Variants in RYR3 observed in about 807,000 individuals in gnomAD.
RYR3 encodes brain ryanodine receptor-calcium release channel.
RYR3 carries 207 observed loss-of-function variants against 584.3 expected under a neutral mutation model. The ratio of observed to expected loss-of-function variants is 0.35; its 90% confidence interval spans 0.32 to 0.40. RYR3 has a LOEUF of 0.40. Ranked by LOEUF, RYR3 falls within the 10% of genes least tolerant of loss-of-function variation. The probability of loss-of-function intolerance (pLI) is 1.00; values close to 1 mark genes in which losing one functional copy is unlikely to be tolerated. For missense variants in RYR3, 5,616 were observed against 6,089.2 expected (o/e 0.92, Z 2.59); for synonymous variants, 2,416 against 2,248.5 (o/e 1.07, Z -2.11).
In RYR3 at chr15:33,737,162, C is replaced by T. The variant is rs1049214290; in HGVS notation, c.7515+837C>T. 4.6e-5 allele frequency among the ~76,000 whole-genome samples: 7 copies of T among 152,140 alleles called. No individual in the cohort carries two copies. The East Asian group carries it at 1.2e-3, about 25-fold the overall frequency. ...ACACTTGAGTGCAGTGGCACAGCCA[C>T]GGCTTACTGCAACCTTGAGCTCCCG... On this transcript the variant is annotated intron_variant, in intron 49 of 103. Transcript: ENST00000634891.
chr15:33,467,345 G>A (rs1465884271), intron 1 of RYR3: 3 of 208,666 alleles, frequency 1.4e-5, no homozygotes, highest in African/African-American at 7.1e-5. Context: ...ACCTTAAATA[G>A]GGCTGTCAGC....
Position 33,696,273 on chromosome 15 carries a change from G to A in RYR3, c.5916G>A (p.Gln1972=). 1 of 1,613,804 alleles carries A rather than the reference G, an allele frequency of 6.2e-7. No homozygotes were observed. Among genetic ancestry groups the A allele is most frequent in the East Asian group, 2.2e-5 (1 of 44,856 alleles). Residue 1972 remains glutamine (Q), a synonymous_variant, in exon 39 of 104, where the codon CAG becomes CAA. Transcript: ENST00000634891. ...QTMICWAQED[Q]IQDSELVRMM... is the part of the protein sequence containing the mutation. ...TGATCTGCTGGGCCCAGGAGGACCA[G>A]ATCCAGGATTCAGAGCTGGTCCGAA...
intron 1 of RYR3, among the ~76,000 whole-genome samples, chr15:33,355,964 A>C (rs560627451): frequency 6.6e-6 from 1 of 152,200 alleles, no homozygotes; most frequent in Non-Finnish European, 1.5e-5. Context: ...CCTGTAGTAG[A>C]TACTGTGAGA....
intron 1 of RYR3, among the ~76,000 whole-genome samples, chr15:33,352,699 A>C (rs1262449697): frequency 6.6e-6 from 1 of 152,188 alleles, no homozygotes; most frequent in Non-Finnish European, 1.5e-5. Context: ...TCACAAGCAA[A>C]AGTTTTACTG....
At chr15:33,659,193 C>T (rs1006575974) in intron 32 of RYR3, among the ~76,000 whole-genome samples, 1 of 152,170 alleles carries the variant, frequency 6.6e-6, no homozygotes, top group South Asian at 2.1e-4. Context: ...AGCTACCTGG[C>T]CTGAAATGTC....
intron 12 of RYR3, among the ~76,000 whole-genome samples, chr15:33,579,281 T>A (rs776279181): frequency 6.6e-6 from 1 of 151,570 alleles, no homozygotes; most frequent in Non-Finnish European, 1.5e-5. Flanking sequence ...CATCAACAAA[T>A]GGAGTGAAGG....
chr15:33,788,370 G>T lies in RYR3; in HGVS notation c.9742G>T (p.Glu3248Ter), dbSNP rs368537521. 1 of 1,613,858 alleles carries T rather than the reference G, an allele frequency of 6.2e-7. No homozygotes were observed. The highest frequency in any genetic ancestry group is 1.3e-5 in the African/African-American group (1 of 74,922). The change falls in exon 67 of 104, where the codon GAA becomes TAA. Residue 3248 changes from glutamate (E) to a stop codon, truncating the protein, a stop_gained. Transcript: ENST00000634891. LOFTEE classifies it high-confidence loss of function. ...TGGCAAAGGGGACACCCAGGAGGCAGAACTCCTCATCCTGGACGAGTTCGC... is the reference window on the plus strand; with the variant it reads ...TGGCAAAGGGGACACCCAGGAGGCATAACTCCTCATCCTGGACGAGTTCGC... Reference protein sequence around the residue: ...ADGKGDTQEAELLILDEFAVL... With the variant: ...ADGKGDTQEA
At position 33,739,847 on chromosome 15, in the gene RYR3, C is replaced by A. The variant is rs373413299; in HGVS notation, c.7672C>A (p.Leu2558Ile). The change falls in exon 51 of 104, where the codon CTT becomes ATT. Residue 2558 changes from leucine to isoleucine, a missense_variant. Around this residue, in one of 9 missense-constraint regions of RYR3, gnomAD observed 1,280 missense variants for 1,426.2 expected, o/e 0.90. Transcript: ENST00000634891. ...TCCCTCACAGAAATATGACCCAGAT[C>A]TTTTCCGAATGGCCCTGCCTTGTCT... The part of the protein sequence containing the change: ...SLSHKKYDPD[L>I]FRMALPCLSA... The A allele has an allele frequency of 8.9e-5, 143 of 1,613,374 alleles. No homozygotes were observed. The highest frequency in any genetic ancestry group is 1.2e-4 in the Non-Finnish European group (141 of 1,179,688).
chr15:33,459,522 G>C (rs1402155103), intron 1 of RYR3, among the ~76,000 whole-genome samples: 1 of 152,138 alleles, frequency 6.6e-6, no homozygotes, highest in Non-Finnish European at 1.5e-5. Flanking sequence ...GAGCACAGCA[G>C]GGCTTAATAG....
chr15:33,819,675 A>AAATT (rs2077003628), intron 76 of RYR3, 81 bp from the exon 77 acceptor site: 1 of 625,848 alleles, frequency 1.6e-6, no homozygotes, highest in African/African-American at 2.2e-5. Context: ...CTCTGTCTCA[A>AAATT]AAATAAATAA....
chr15:33,643,956 G>A (rs16957123), intron 27 of RYR3, among the ~76,000 whole-genome samples: 1,767 of 152,238 alleles, frequency 0.012, 51 homozygotes, highest in African/African-American at 0.04. Context: ...CCCAGGGCCT[G>A]AGATCAATTT....
chr15:33,742,023 G>A (rs2070190490), intron 51 of RYR3, among the ~76,000 whole-genome samples: 1 of 152,182 alleles, frequency 6.6e-6, no homozygotes. Context: ...CCAGATTGTA[G>A]CCAGAGGATG....
intron 19 of RYR3, among the ~76,000 whole-genome samples, chr15:33,618,747 C>T (rs940905903): frequency 3.3e-5 from 5 of 152,176 alleles, no homozygotes; most frequent in Non-Finnish European, 7.3e-5. Flanking sequence ...TGATTTTACA[C>T]GTTTGCTAGC....
intron 3 of RYR3, among the ~76,000 whole-genome samples, chr15:33,504,282 A>T (rs1467106767): frequency 6.6e-6 from 1 of 152,230 alleles, no homozygotes; most frequent in African/African-American, 2.4e-5. Context: ...TAACTAAGAG[A>T]CAAGCTCCAT....
At position 33,376,963 on chromosome 15, in the gene RYR3, C is replaced by A. The variant is rs2040797275; in HGVS notation, c.51+65867C>A. Among the ~76,000 whole-genome samples the A allele has an allele frequency of 2.0e-5, 3 of 152,270 alleles. No individual in the cohort carries two copies. In the South Asian group the frequency reaches 6.2e-4, roughly 32 times the overall value. ...TGGGCCTGTTTTTGGACTCTCTGTT[C>A]TGTTTCATTGATCTATTGATCTATC... On this transcript the variant is annotated intron_variant, in intron 1 of 103. Transcript: ENST00000634891.
intron 2 of RYR3, among the ~76,000 whole-genome samples, chr15:33,477,890 A>G (rs868756785): frequency 2.6e-5 from 2 of 78,278 alleles, no homozygotes; most frequent in African/African-American, 1.4e-4. Context: ...AAAAAAAAAA[A>G]AAAAAAAAAA....
At chr15:33,512,058 G>C (rs2053076418) in intron 3 of RYR3, among the ~76,000 whole-genome samples, 1 of 152,182 alleles carries the variant, frequency 6.6e-6, no homozygotes. Flanking sequence ...GATTACAGGC[G>C]TGAGCCACCG....
intron 2 of RYR3, among the ~76,000 whole-genome samples, chr15:33,492,464 C>CAAAAA (rs61324117): frequency 1.4e-5 from 2 of 145,526 alleles, no homozygotes; most frequent in Non-Finnish European, 1.5e-5. Flanking sequence ...TCTCTCAAAG[C>CAAAAA]AAAAAAAAAA....
intron 1 of RYR3, among the ~76,000 whole-genome samples, chr15:33,405,014 A>T (rs2042927994): frequency 6.6e-6 from 1 of 152,148 alleles, no homozygotes; most frequent in East Asian, 1.9e-4. Context: ...GAAAGCCATG[A>T]TTGTCTCATT....
Sources: gnomAD v4.1 joint callset for allele counts (sites outside exome capture counted in the v4.1 genomes callset) on GRCh38, gnomAD v4.1.1 for gene constraint, gnomAD v4.1.1 regional missense constraint, MANE v1.5 for transcripts, NCBI Gene and HGNC (gene_info 2026-07-23, HGNC 2026-07-21) for gene names.